LINGO2: variants seen among roughly 807,000 people sequenced by gnomAD.
LINGO2 encodes the protein leucine-rich repeat and immunoglobulin-like domain-containing nogo receptor-interacting protein 2.
Under a neutral mutation model 30.6 loss-of-function variants are expected in LINGO2, and 14 were observed. That is an observed-to-expected ratio of 0.46 (90% CI 0.30 to 0.72). The LOEUF is 0.72. Among genes scored for constraint, LINGO2 ranks in the 30% least tolerant of loss-of-function variants. The probability of loss-of-function intolerance (pLI) is 0.07; values close to 1 mark genes in which losing one functional copy is unlikely to be tolerated. For missense variants in LINGO2, 729 were observed against 751.7 expected (o/e 0.97, Z 0.35); for synonymous variants, 317 against 288.5 (o/e 1.10, Z -1.00).
the LINGO2 span, among the ~76,000 whole-genome samples, chr9:29,015,600 C>T: frequency 5.9e-5 from 9 of 152,072 alleles, no homozygotes; most frequent in Non-Finnish European, 7.4e-5. Flanking sequence ...AATTTGCTGA[C>T]CCCTGGTCTA....
At chr9:28,155,546 G>A (rs1361752530) in intron 4 of LINGO2, among the ~76,000 whole-genome samples, 1 of 152,132 alleles carries the variant, frequency 6.6e-6, no homozygotes, top group Non-Finnish European at 1.5e-5. Context: ...AGATACGTTT[G>A]TGGAAATGAA....
At chr9:28,875,196 T>C in the LINGO2 span, among the ~76,000 whole-genome samples, 1 of 152,088 alleles carries the variant, frequency 6.6e-6, no homozygotes, top group Non-Finnish European at 1.5e-5. Flanking sequence ...ACTGAAAATA[T>C]TTTTTAAAAA....
chr9:28,682,825 T>C, the LINGO2 span, among the ~76,000 whole-genome samples: 1 of 152,172 alleles, frequency 6.6e-6, no homozygotes, highest in Admixed American at 6.5e-5. Context: ...AGGAAGAATT[T>C]CATATTAAAA....
intron 4 of LINGO2, among the ~76,000 whole-genome samples, chr9:28,288,058 T>C (rs1242659546): frequency 1.3e-5 from 2 of 152,166 alleles, no homozygotes; most frequent in Non-Finnish European, 2.9e-5. Flanking sequence ...CTGAACGCTC[T>C]TAGTTTATCA....
the LINGO2 span, among the ~76,000 whole-genome samples, chr9:29,037,332 A>G: frequency 6.6e-6 from 1 of 151,124 alleles, no homozygotes; most frequent in Admixed American, 6.6e-5. Context: ...TTGAAATTTT[A>G]TATGTTATGA....
intron 2 of LINGO2, among the ~76,000 whole-genome samples, chr9:28,394,080 T>C (rs1821947515): frequency 6.6e-6 from 1 of 152,132 alleles, no homozygotes. Context: ...TATAATGTTT[T>C]CATGAGAGTC....
chr9:28,341,885 T>A (rs974252714), intron 3 of LINGO2, among the ~76,000 whole-genome samples: 10 of 152,114 alleles, frequency 6.6e-5, no homozygotes, highest in Non-Finnish European at 1.3e-4. Flanking sequence ...TTGTTTAAGT[T>A]TTCACTAACT....
the LINGO2 span, among the ~76,000 whole-genome samples, chr9:28,720,417 T>C: frequency 6.6e-6 from 1 of 152,094 alleles, no homozygotes; most frequent in African/African-American, 2.4e-5. Flanking sequence ...TGCACAACAC[T>C]GTATTACAAT....
At chr9:28,893,825 T>C in the LINGO2 span, among the ~76,000 whole-genome samples, 1 of 152,016 alleles carries the variant, frequency 6.6e-6, no homozygotes, top group Admixed American at 6.6e-5. Context: ...TATGTATATA[T>C]GTGCCATGCT....
At chr9:28,375,089 AACACACACACACACACAC>A (rs137914726) in intron 2 of LINGO2, among the ~76,000 whole-genome samples, 25 of 141,732 alleles carry the variant, frequency 1.8e-4, no homozygotes, top group African/African-American at 6.2e-4. Context: ...CACACCCCTT[AACACACACACACACACAC>A]ACACACACAC....
chr9:28,230,374 T>C (rs1414803430), intron 4 of LINGO2, among the ~76,000 whole-genome samples: 1 of 151,834 alleles, frequency 6.6e-6, no homozygotes, highest in East Asian at 1.9e-4. Context: ...AAATGACAAA[T>C]GTCATCTTTA....
chr9:29,173,930 C>T, the LINGO2 span, among the ~76,000 whole-genome samples: 7 of 152,088 alleles, frequency 4.6e-5, no homozygotes, highest in African/African-American at 9.6e-5. Context: ...TCATGTTTTG[C>T]CATTCTTTCA....
intron 1 of LINGO2, among the ~76,000 whole-genome samples, chr9:28,613,209 G>A (rs558955673): frequency 6.6e-6 from 1 of 152,076 alleles, no homozygotes; most frequent in Admixed American, 6.5e-5. Context: ...CTTTATAGCA[G>A]TTTGAAAATG....
intron 2 of LINGO2, among the ~76,000 whole-genome samples, chr9:28,388,877 G>A (rs1170863966): frequency 6.6e-6 from 1 of 151,278 alleles, no homozygotes; most frequent in East Asian, 2.0e-4. Flanking sequence ...TGACTTGAGG[G>A]TTTTCTCTCT....
chr9:28,053,866 C>T (rs576927702), intron 4 of LINGO2, among the ~76,000 whole-genome samples: 1 of 152,160 alleles, frequency 6.6e-6, no homozygotes, highest in Middle Eastern at 3.4e-3. Context: ...GGGAACACAG[C>T]TCCTGCTTTG....
At chr9:28,631,428 G>C (rs1345070461) in intron 1 of LINGO2, among the ~76,000 whole-genome samples, 2 of 151,702 alleles carry the variant, frequency 1.3e-5, no homozygotes, top group Non-Finnish European at 2.9e-5. Flanking sequence ...TTTGTATAAG[G>C]TGTAAGAAAG....
At chr9:29,186,204 T>C in the LINGO2 span, among the ~76,000 whole-genome samples, 3 of 152,174 alleles carry the variant, frequency 2.0e-5, no homozygotes, top group Admixed American at 2.0e-4. Flanking sequence ...CCAACACCTA[T>C]AAAAATTATC....
At chr9:28,827,123 T>C in the LINGO2 span, among the ~76,000 whole-genome samples, 1 of 152,256 alleles carries the variant, frequency 6.6e-6, no homozygotes, top group South Asian at 2.1e-4. Context: ...GCACAGCATA[T>C]AGTAATAATG....
chr9:28,839,206 A>G, the LINGO2 span, among the ~76,000 whole-genome samples: 1 of 152,096 alleles, frequency 6.6e-6, no homozygotes, highest in African/African-American at 2.4e-5. Flanking sequence ...CGTGTTTCAG[A>G]TCTGTTTGTG....
Sources: allele counts gnomAD v4.1 joint callset (sites outside exome capture counted in the v4.1 genomes callset), GRCh38; gene constraint gnomAD v4.1.1; transcripts MANE v1.5; gene names NCBI Gene and HGNC (gene_info 2026-07-23, HGNC 2026-07-21).